The following PDE1C variants were observed in gnomAD, a reference collection of about 807,000 sequenced individuals.
PDE1C encodes the protein dual specificity calcium/calmodulin-dependent 3',5'-cyclic nucleotide phosphodiesterase 1C.
Under a neutral mutation model 93.1 loss-of-function variants are expected in PDE1C, and 62 were observed. The observed-to-expected ratio is 0.67, with a 90% CI of 0.54 to 0.82. PDE1C has a LOEUF of 0.82. PDE1C is among the 40% of genes least tolerant of loss of function. The pLI, the probability that PDE1C is intolerant of heterozygous loss-of-function variation, is 0.00. For missense variants in PDE1C, 742 were observed against 884.6 expected (o/e 0.84, Z 2.04); for synonymous variants, 325 against 310.1 (o/e 1.05, Z -0.50).
intron 9 of PDE1C, among the ~76,000 whole-genome samples, chr7:31,841,227 C>CTCTCTCTCTA (rs751320538): frequency 0.1 from 14,842 of 142,102 alleles, 789 homozygotes; most frequent in East Asian, 0.17. Context: ...CTCTCTCTCT[C>CTCTCTCTCTA]TATATATATA....
chr7:32,165,682 AG>A (rs1290171708), intron 3 of PDE1C, among the ~76,000 whole-genome samples: 1 of 135,736 alleles, frequency 7.4e-6, no homozygotes, highest in Non-Finnish European at 1.7e-5. Flanking sequence ...ACCTCCCATC[AG>A]ATTCTTCCCT....
intron 5 of PDE1C, among the ~76,000 whole-genome samples, chr7:31,875,803 A>C (rs73686990): frequency 3.3e-5 from 2 of 59,776 alleles, no homozygotes; most frequent in African/African-American, 1.4e-4. Flanking sequence ...CTATATATAT[A>C]TATATATATA....
At chr7:32,152,827 C>T (rs1399105412) in intron 3 of PDE1C, among the ~76,000 whole-genome samples, 1 of 151,940 alleles carries the variant, frequency 6.6e-6, no homozygotes, top group Non-Finnish European at 1.5e-5. Context: ...TAAAATGATC[C>T]ATGAAAAAAT....
chr7:32,414,220 A>T (rs1187135692), intron 1 of PDE1C, among the ~76,000 whole-genome samples: 2 of 151,874 alleles, frequency 1.3e-5, no homozygotes, highest in Non-Finnish European at 2.9e-5. Flanking sequence ...CTCAAAAAAA[A>T]AAAAGGAAAA....
intron 1 of PDE1C, chr7:32,052,377 G>A: frequency 2.2e-6 from 1 of 461,036 alleles, no homozygotes; most frequent in Non-Finnish European, 4.4e-6. Context: ...CAGAGTGGCA[G>A]ACAAGGAGAA....
chr7:32,367,721 T>C (rs191365277), intron 1 of PDE1C, among the ~76,000 whole-genome samples: 2 of 152,104 alleles, frequency 1.3e-5, no homozygotes, highest in Admixed American at 1.3e-4. Context: ...GATGGGAGGA[T>C]TGCTTGAGGC....
chr7:31,687,727 G>A, the PDE1C span, among the ~76,000 whole-genome samples: 3 of 152,130 alleles, frequency 2.0e-5, no homozygotes, highest in Non-Finnish European at 4.4e-5. Context: ...TTAAAAGACG[G>A]TACTTTTTGA....
chr7:32,112,991 G>A (rs2128757480), intron 3 of PDE1C, among the ~76,000 whole-genome samples: 1 of 149,528 alleles, frequency 6.7e-6, no homozygotes, highest in African/African-American at 2.4e-5. Flanking sequence ...GGTTTTCTGA[G>A]TACATTTAGG....
chr7:32,074,860 G>C (rs563733654), upstream of PDE1C, among the ~76,000 whole-genome samples: 1 of 152,334 alleles, frequency 6.6e-6, no homozygotes, highest in Admixed American at 6.5e-5. Flanking sequence ...TGTGTGGTGT[G>C]TCTGTGAATG....
intron 1 of PDE1C, among the ~76,000 whole-genome samples, chr7:32,412,895 C>G (rs1785200038): frequency 6.7e-6 from 1 of 148,896 alleles, no homozygotes; most frequent in African/African-American, 2.6e-5. Flanking sequence ...AGGGGTAAGA[C>G]TAACATAGCA....
intron 2 of PDE1C, among the ~76,000 whole-genome samples, chr7:31,943,952 T>C (rs1806208028): frequency 6.6e-6 from 1 of 152,246 alleles, no homozygotes; most frequent in South Asian, 2.1e-4. Context: ...ACAAAATTCA[T>C]ATTTGTTGAC....
At chr7:31,743,575 GCACACACACACA>G in the PDE1C span, among the ~76,000 whole-genome samples, 1 of 147,876 alleles carries the variant, frequency 6.8e-6, no homozygotes, top group East Asian at 2.0e-4. Flanking sequence ...GTGTGTGTGC[GCACACACACACA>G]CACACACCAA....
chr7:32,204,731 A>ATT lies in PDE1C; in HGVS notation c.136+4757_136+4758insAA, dbSNP rs1243112824. ...CCTTTTTTACCTATTATCCCCATTC[A>ATT]GACCCTCAAGCCTCAGCTAATGCTC... On this transcript the variant is annotated intron_variant, in intron 2 of 18. Transcript: ENST00000396193. Among the ~76,000 whole-genome samples the ATT allele has an allele frequency of 3.3e-5, 5 of 152,314 alleles. No individual in the cohort carries two copies. The East Asian group carries it at 7.7e-4, about 24-fold the overall frequency.
chr7:32,009,498 T>C (rs1201728327), intron 2 of PDE1C, among the ~76,000 whole-genome samples: 2 of 152,188 alleles, frequency 1.3e-5, no homozygotes, highest in Non-Finnish European at 2.9e-5. Context: ...TGAGTAGTTA[T>C]AATGGAGACC....
chr7:32,423,598 C>T (rs1785475808), intron 1 of PDE1C, among the ~76,000 whole-genome samples: 1 of 152,194 alleles, frequency 6.6e-6, no homozygotes. Context: ...CTGTAATTAT[C>T]TCTCCAAGTG....
the PDE1C span, among the ~76,000 whole-genome samples, chr7:31,742,374 T>C: frequency 6.6e-6 from 1 of 152,210 alleles, no homozygotes; most frequent in Admixed American, 6.5e-5. Context: ...AAGTTTCTTA[T>C]GAATTAGAGC....
intron 2 of PDE1C, among the ~76,000 whole-genome samples, chr7:31,912,140 C>T (rs1019667380): frequency 3.9e-5 from 6 of 152,114 alleles, no homozygotes; most frequent in Non-Finnish European, 7.3e-5. Context: ...TACAGGTCAC[C>T]ATGATCAGTA....
intron 2 of PDE1C, among the ~76,000 whole-genome samples, chr7:32,208,300 G>A (rs1282923835): frequency 6.6e-6 from 1 of 152,096 alleles, no homozygotes. Flanking sequence ...ATTTACTATG[G>A]CACTGTCCAC....
At chr7:31,787,704 G>T (rs965152771) in intron 16 of PDE1C, 1 of 152,134 alleles carries the variant, frequency 6.6e-6, no homozygotes, top group African/African-American at 2.4e-5. Context: ...GCCATAATCT[G>T]TGCAATAGAA....
Sources: allele counts gnomAD v4.1 joint callset (sites outside exome capture counted in the v4.1 genomes callset), GRCh38; gene constraint gnomAD v4.1.1; transcripts MANE v1.5; gene names NCBI Gene and HGNC (gene_info 2026-07-23, HGNC 2026-07-21).